Variants in KCNN1 observed in about 807,000 individuals in gnomAD.
The protein encoded by KCNN1 is potassium calcium-activated channel subfamily N member 1.
KCNN1 carries 20 observed loss-of-function variants against 44.7 expected under a neutral mutation model. The observed-to-expected ratio is 0.45, with a 90% CI of 0.32 to 0.65. The LOEUF is 0.65. Ranked by LOEUF, KCNN1 falls within the 30% of genes least tolerant of loss-of-function variation. The pLI is 0.05. For missense variants in KCNN1, 632 were observed against 785.3 expected (o/e 0.80, Z 2.33); for synonymous variants, 324 against 341.7 (o/e 0.95, Z 0.57).
At chr19:17,951,610 G>T (rs2031409873) in intron 1 of KCNN1, among the ~76,000 whole-genome samples, 1 of 152,248 alleles carries the variant, frequency 6.6e-6, no homozygotes, top group South Asian at 2.1e-4. Context: ...GGCTCAAGAG[G>T]TTCCTAATCG....
intron 5 of KCNN1, among the ~76,000 whole-genome samples, chr19:17,985,853 C>A (rs181816249): frequency 1.3e-5 from 2 of 152,228 alleles, no homozygotes; most frequent in African/African-American, 4.8e-5. Context: ...CTGTGACCAG[C>A]GCTACTTCCT....
intron 4 of KCNN1, 106 bp from the exon 5 acceptor site, chr19:17,985,206 G>A (rs2145954574): frequency 2.7e-6 from 3 of 1,126,216 alleles, no homozygotes; most frequent in Middle Eastern, 2.1e-4. Flanking sequence ...AACGCAGCGA[G>A]GTGGACTCAG....
chr19:17,997,105 G>A (rs943419178), intron 9 of KCNN1, among the ~76,000 whole-genome samples: 3 of 152,184 alleles, frequency 2.0e-5, no homozygotes, highest in Non-Finnish European at 4.4e-5. Flanking sequence ...TGCCAGAACC[G>A]GGCAGTTGAG....
intron 1 of KCNN1, among the ~76,000 whole-genome samples, chr19:17,969,882 C>G (rs985717216): frequency 1.3e-5 from 2 of 152,220 alleles, no homozygotes; most frequent in African/African-American, 4.8e-5. Context: ...TGTGTGCACC[C>G]TAGTGCAAGC....
intron 6 of KCNN1, 100 bp downstream of exon 6, chr19:17,988,625 C>A (rs2032685200): frequency 1.2e-6 from 1 of 846,814 alleles, no homozygotes; most frequent in South Asian, 1.5e-5. Context: ...GCTCATGTGC[C>A]CATGGGTTAC....
At position 17,982,059 on chromosome 19, in the gene KCNN1, C is replaced by T; in HGVS notation, c.849C>T (p.Gly283=). ...AGACACTCATGACCATCTGCCCCGG[C>T]ACCGTGCTGCTGGTCTTCAGCATCT... The part of the protein sequence containing the change: ...VMKTLMTICP[G]TVLLVFSISS... Residue 283 remains glycine (G), a synonymous_variant, in exon 4 of 10, where the codon GGC becomes GGT. Coordinates refer to ENST00000684775, the MANE Select transcript of KCNN1 (RefSeq NM_001386974.1). 1 of 1,608,152 alleles carries T rather than the reference C, an allele frequency of 6.2e-7. No homozygotes were observed. Among genetic ancestry groups the T allele is most frequent in the Non-Finnish European group, 8.5e-7 (1 of 1,177,746 alleles).
upstream of KCNN1, among the ~76,000 whole-genome samples, chr19:17,966,449 GCA>G (rs1167183768): frequency 2.0e-5 from 3 of 152,228 alleles, no homozygotes; most frequent in Non-Finnish European, 2.9e-5. Flanking sequence ...GGGGGAAGGA[GCA>G]CAGTTTTGGG....
intron 3 of KCNN1, among the ~76,000 whole-genome samples, chr19:17,981,034 T>C (rs1157152437): frequency 6.6e-6 from 1 of 151,662 alleles, no homozygotes; most frequent in Non-Finnish European, 1.5e-5. Flanking sequence ...CTGGCCAACA[T>C]GGTGAAACCC....
rs964853669 is a variant in KCNN1, at chr19:18,000,060, C to T, written c.*1654C>T. On this transcript the variant is annotated 3_prime_UTR_variant, in exon 10 of 10. Coordinates refer to ENST00000684775, the MANE Select transcript of KCNN1 (RefSeq NM_001386974.1). ...ACTGGTAGGTGCTCAATAAATGCTC[C>T]TTCCCGCCTGAGGGATCACACTGGA... 2.2e-6 allele frequency: 1 copy of T among 455,572 alleles called. No homozygotes were observed. The highest frequency in any genetic ancestry group is 4.4e-6 in the Non-Finnish European group (1 of 226,500). 28.2% of individuals were successfully genotyped at this position (455,572 alleles called of 1,614,324 possible). A position where few individuals can be genotyped will look rare whatever the true frequency, so the allele number is the denominator to read the frequency against.
At chr19:17,958,275 G>A (rs2031590807) in intron 2 of KCNN1, among the ~76,000 whole-genome samples, 1 of 152,012 alleles carries the variant, frequency 6.6e-6, no homozygotes, top group African/African-American at 2.4e-5. Context: ...GAGGACAGGA[G>A]TTCAAGAACA....
Position 17,974,386 on chromosome 19 carries a change from G to T in KCNN1, c.402+96G>T. 7.3e-7 allele frequency: 1 copy of T among 1,371,784 alleles called. No individual in the cohort carries two copies. Among genetic ancestry groups the T allele is most frequent in the Admixed American group, 2.8e-5 (1 of 35,908 alleles). 85.0% of individuals were successfully genotyped at this position (1,371,784 alleles called of 1,614,324 possible). ...TTGGGGGTGGCAGGGCCCCCCGGGA[G>T]ATAGGGAGTGTTAGGGGGCTCCCGG... On this transcript the variant is annotated intron_variant, in intron 2 of 9. Coordinates refer to ENST00000684775, the MANE Select transcript of KCNN1 (RefSeq NM_001386974.1). The surrounding 1 kb of genome is among the most constrained non-coding windows in gnomAD (Gnocchi z 7.3).
chr19:17,975,452 C>G (rs936628430), intron 3 of KCNN1, among the ~76,000 whole-genome samples: 1 of 152,108 alleles, frequency 6.6e-6, no homozygotes, highest in Non-Finnish European at 1.5e-5. Flanking sequence ...CTGGGACACA[C>G]GGGTTGTTTC....
chr19:17,982,158 C>T (rs763197757), intron 4 of KCNN1, 31 bp downstream of exon 4: 5 of 1,459,100 alleles, frequency 3.4e-6, no homozygotes, highest in Admixed American at 2.1e-5. Context: ...GCCCCCCCAG[C>T]CCCCAGCCCC....
rs2145912738 is a variant in KCNN1 at position 17,967,111 on chromosome 19, G to A, written c.-288G>A. 4 of 979,446 alleles carry A rather than the reference G, an allele frequency of 4.1e-6. No homozygotes were observed. The highest frequency in any genetic ancestry group is 2.3e-4 in the East Asian group (2 of 8,678). The allele number at this position is 979,446 out of a possible 1,614,324, so 60.7% of individuals were successfully genotyped here. A position where few individuals can be genotyped will look rare whatever the true frequency, so the allele number is the denominator to read the frequency against. On this transcript the variant is annotated 5_prime_UTR_variant, in exon 1 of 10. Coordinates refer to ENST00000684775, the MANE Select transcript of KCNN1 (RefSeq NM_001386974.1). ...CCCTTCTCTCCCGGCCCGGGCGGGC[G>A]CTCGCCCCCCGCCGGGCCCGTGGAC...
intron 1 of KCNN1, among the ~76,000 whole-genome samples, chr19:17,968,526 TG>T (rs1209616360): frequency 6.6e-6 from 1 of 152,044 alleles, no homozygotes; most frequent in Non-Finnish European, 1.5e-5. Flanking sequence ...TCTCAGTGGC[TG>T]CCTCAACCAA....
chr19:17,951,790 G>A (rs2031415412), intron 1 of KCNN1, among the ~76,000 whole-genome samples: 1 of 152,120 alleles, frequency 6.6e-6, no homozygotes, highest in Non-Finnish European at 1.5e-5. Flanking sequence ...GTGGCGTGGT[G>A]GGGAGGCTTT....
chr19:17,978,467 G>A (rs557185472), intron 3 of KCNN1, among the ~76,000 whole-genome samples: 56 of 133,912 alleles, frequency 4.2e-4, no homozygotes, highest in Non-Finnish European at 4.1e-4. Flanking sequence ...TCGTTCTGTC[G>A]CCCAGGCTGG....
In KCNN1 at chr19:17,974,750, G is replaced by A. The variant is rs1039669271; in HGVS notation, c.403-342G>A. ...GAAGTGCCGAGGCTGGATGAGGTCC[G>A]GCCTTGTGAACTGTGAAGTGCTGTG... On this transcript the variant is annotated intron_variant, in intron 2 of 9. Transcript: ENST00000684775. This position sits in a 1 kb window ranked among gnomAD's most constrained non-coding sequence, Gnocchi z 7.3. 1.3e-5 allele frequency among the ~76,000 whole-genome samples: 2 copies of A among 152,168 alleles called. No individual in the cohort carries two copies. The highest frequency in any genetic ancestry group is 4.8e-5 in the African/African-American group (2 of 41,444).
Position 17,998,346 on chromosome 19 carries a change from C to T in KCNN1, c.1572C>T (p.Asp524=). 4 of 1,524,060 alleles carry T rather than the reference C, an allele frequency of 2.6e-6. No individual in the cohort carries two copies. Among genetic ancestry groups the T allele is most frequent in the Non-Finnish European group, 3.5e-6 (4 of 1,140,286 alleles). The allele number at this position is 1,524,060 out of a possible 1,614,324, so 94.4% of individuals were successfully genotyped here. A position where few individuals can be genotyped will look rare whatever the true frequency, so the allele number is the denominator to read the frequency against. ...LPPRPGPGPQ[D]QAARSSPCRW... is the part of the protein sequence containing the mutation. ...CCAGGCCCGGCCCCGGCCCCCAAGACCAGGCAGCCCGGAGCTCCCCCTGCC... is the reference window on the plus strand; with the variant it reads ...CCAGGCCCGGCCCCGGCCCCCAAGATCAGGCAGCCCGGAGCTCCCCCTGCC... The change falls in exon 10 of 10, where the codon GAC becomes GAT. Residue 524 remains aspartate, a synonymous_variant. Coordinates refer to ENST00000684775, the MANE Select transcript of KCNN1 (RefSeq NM_001386974.1). This position sits in a 1 kb window ranked among gnomAD's most constrained non-coding sequence, Gnocchi z 5.4.
Sources: allele counts gnomAD v4.1 joint callset (sites outside exome capture counted in the v4.1 genomes callset), GRCh38; gene constraint gnomAD v4.1.1; non-coding constraint Gnocchi (gnomAD v3.1); transcripts MANE v1.5; gene names NCBI Gene and HGNC (gene_info 2026-07-23, HGNC 2026-07-21).